Variants in ATP8B1 observed in about 807,000 individuals in gnomAD.
ATP8B1 encodes ATPase phospholipid transporting 8B1.
ATP8B1 carries 80 observed loss-of-function variants against 149.9 expected under a neutral mutation model. The observed-to-expected ratio is 0.53, with a 90% CI of 0.45 to 0.64. The LOEUF is 0.64. Ranked by LOEUF, ATP8B1 falls within the 30% of genes least tolerant of loss-of-function variation. The pLI is 0.00. For synonymous variants in ATP8B1, 536 were observed against 562.8 expected (o/e 0.95, Z 0.67); for missense variants, 1,247 against 1,552.6 (o/e 0.80, Z 3.31).
rs1165006363 is a variant in ATP8B1, at chr18:57,652,480, G to A, written c.3261+4C>T. 6.8e-6 allele frequency: 11 copies of A among 1,614,056 alleles called. No individual in the cohort carries two copies. Among genetic ancestry groups the A allele is most frequent in the Admixed American group, 1.7e-5 (1 of 59,996 alleles). On this transcript the variant is annotated splice_donor_region_variant and intron_variant, in intron 25 of 27. Transcript: ENST00000648908. ...ACTGAATACGGCCAATGAAAGCCACGTACCTGGAAATTGACTGTTATTACA... is the reference window on the plus strand; with the variant it reads ...ACTGAATACGGCCAATGAAAGCCACATACCTGGAAATTGACTGTTATTACA...
rs2080385630 is a variant in ATP8B1 at position 57,784,246 on chromosome 18, T to C, written c.-26+18752A>G. On this transcript the variant is annotated intron_variant, in intron 1 of 27. Transcript: ENST00000648908. This position sits in a 1 kb window ranked among gnomAD's most constrained non-coding sequence, Gnocchi z 4.4. ...GGGGGAAGCCGGGGTCAGGGCGGGC[T>C]GGGCATAGAGAGCTGTGGAGAGAAG... is the stretch of plus-strand genomic sequence containing the variant. Among the ~76,000 whole-genome samples, 1 of 152,122 alleles carries C rather than the reference T, an allele frequency of 6.6e-6. No homozygotes were observed. The highest frequency in any genetic ancestry group is 2.1e-4 in the South Asian group (1 of 4,826).
chr18:57,679,401 C>A (rs1396226422), intron 15 of ATP8B1, among the ~76,000 whole-genome samples: 1 of 151,764 alleles, frequency 6.6e-6, no homozygotes, highest in Non-Finnish European at 1.5e-5. Flanking sequence ...GGTGTAAAAA[C>A]AAACTAAAAA....
At chr18:57,713,686 C>T (rs1431243972) in intron 2 of ATP8B1, among the ~76,000 whole-genome samples, 1 of 116,152 alleles carries the variant, frequency 8.6e-6, no homozygotes, top group East Asian at 3.1e-4. Flanking sequence ...GATGGGGTTG[C>T]ACCATGTTGG....
chr18:57,777,528 A>G (rs1386748026), intron 1 of ATP8B1, among the ~76,000 whole-genome samples: 1 of 152,194 alleles, frequency 6.6e-6, no homozygotes, highest in Non-Finnish European at 1.5e-5. Flanking sequence ...GAGTTGGGTA[A>G]CTGGGTTAAA....
At chr18:57,652,461 T>A in intron 25 of ATP8B1, 23 bp downstream of exon 25, 1 of 1,614,078 alleles carries the variant, frequency 6.2e-7, no homozygotes, top group Non-Finnish European at 8.5e-7. Flanking sequence ...AGACACTGAA[T>A]ACGGCCAATG....
Position 57,756,210 on chromosome 18 carries a change from T to TATAC in ATP8B1, c.-25-24379_-25-24378insGTAT, listed in dbSNP as rs747325321. ...TCCACAACATATATATATATATATATACACACACACACACACACACACACA... is the reference window on the plus strand; with the variant it reads ...TCCACAACATATATATATATATATATATACACACACACACACACACACACACACA... On this transcript the variant is annotated intron_variant, in intron 1 of 27. Transcript: ENST00000648908. Among the ~76,000 whole-genome samples, 237 of 109,040 alleles carry TATAC rather than the reference T, an allele frequency of 2.2e-3. 5 individuals are homozygous for TATAC. In the East Asian group the frequency reaches 0.044, roughly 20 times the overall value. The allele number at this position is 109,040 out of a possible 152,430, so 71.5% of individuals were successfully genotyped here. A position where few individuals can be genotyped will look rare whatever the true frequency, so the allele number is the denominator to read the frequency against.
At chr18:57,743,341 C>T (rs1009784671) in intron 1 of ATP8B1, among the ~76,000 whole-genome samples, 2 of 152,100 alleles carry the variant, frequency 1.3e-5, no homozygotes, top group African/African-American at 2.4e-5. Flanking sequence ...CACCTACTTC[C>T]CTCCCTTCCC....
intron 1 of ATP8B1, among the ~76,000 whole-genome samples, chr18:57,766,517 C>T (rs1363061410): frequency 6.6e-5 from 10 of 152,202 alleles, no homozygotes; most frequent in African/African-American, 2.2e-4. Context: ...CCAAAAATCA[C>T]ACATCCTACC....
At chr18:57,748,256 C>T (rs1259921937) in intron 1 of ATP8B1, among the ~76,000 whole-genome samples, 1 of 152,166 alleles carries the variant, frequency 6.6e-6, no homozygotes, top group East Asian at 1.9e-4. Flanking sequence ...TTATTATCCC[C>T]ATTCTACAAA....
chr18:57,703,247 CTT>C (rs1447018377), intron 4 of ATP8B1, among the ~76,000 whole-genome samples: 2 of 152,034 alleles, frequency 1.3e-5, no homozygotes, highest in Admixed American at 6.6e-5. Context: ...GCAGGTATAA[CTT>C]TTCCAAATCC....
At chr18:57,713,457 C>T (rs1184712231) in intron 2 of ATP8B1, among the ~76,000 whole-genome samples, 2 of 146,188 alleles carry the variant, frequency 1.4e-5, no homozygotes, top group African/African-American at 5.2e-5. Context: ...CCACCATGCC[C>T]AGCTAATTTT....
Position 57,652,057 on chromosome 18 carries a change from A to G in ATP8B1, c.3377T>C (p.Phe1126Ser). ...DFHSAGIHVLFPSAFQFTGTA... is the reference protein window; with the variant it reads ...DFHSAGIHVLSPSAFQFTGTA... ...ACCTGTAAATTGAAATGCAGATGGA[A>G]AGAGAACATGTATTCCAGCACTATG... Residue 1126 changes from phenylalanine (F) to serine (S), a missense_variant, in exon 26 of 28, where the codon TTT becomes TCT. By Grantham distance (155) the Phe-to-Ser change is radical (BLOSUM62 -2). This residue lies in a region of ATP8B1 where 230 missense variants were observed against 356.6 expected (regional missense o/e 0.65). Coordinates refer to ENST00000648908, the MANE Select transcript of ATP8B1 (RefSeq NM_001374385.1). 2 of 1,613,842 alleles carry G rather than the reference A, an allele frequency of 1.2e-6. No homozygotes were observed. Among genetic ancestry groups the G allele is most frequent in the Non-Finnish European group, 1.7e-6 (2 of 1,179,920 alleles).
intron 20 of ATP8B1, among the ~76,000 whole-genome samples, chr18:57,663,428 A>T (rs1457386544): frequency 6.6e-6 from 1 of 152,100 alleles, no homozygotes; most frequent in African/African-American, 2.4e-5. Context: ...TCCTGCTTTC[A>T]ATTATTTTGT....
chr18:57,668,612 T>A (rs1489306105), intron 18 of ATP8B1, 72 bp from the exon 19 acceptor site: 2 of 988,676 alleles, frequency 2.0e-6, no homozygotes, highest in East Asian at 5.3e-5. Flanking sequence ...AATTACAGGT[T>A]GCCAACCTGT....
intron 22 of ATP8B1, among the ~76,000 whole-genome samples, chr18:57,658,540 C>T (rs560195711): frequency 6.6e-6 from 1 of 152,322 alleles, no homozygotes; most frequent in South Asian, 2.1e-4. Context: ...CCAGACTACA[C>T]TGCTAAACGT....
At chr18:57,712,763 A>T (rs1358440286) in intron 2 of ATP8B1, among the ~76,000 whole-genome samples, 1 of 151,722 alleles carries the variant, frequency 6.6e-6, no homozygotes, top group African/African-American at 2.4e-5. Flanking sequence ...GATGAGAGGG[A>T]GGAGTAAAGA....
Position 57,650,629 on chromosome 18 carries a change from G to A in ATP8B1, c.3401-132C>T, listed in dbSNP as rs900005599. The stretch of plus-strand genomic sequence containing the variant: ...AGGCCAAGGTGGGTGGATTGCCAGA[G>A]CTCAGGAGTTCGAGACCAGCCTGGG... On this transcript the variant is annotated intron_variant, in intron 26 of 27. Transcript: ENST00000648908. The A allele has an allele frequency of 9.8e-6, 11 of 1,118,168 alleles. No homozygotes were observed. In the African/African-American group the frequency reaches 1.7e-4, roughly 18 times the overall value. The allele number at this position is 1,118,168 out of a possible 1,614,324, so 69.3% of individuals were successfully genotyped here. A position where few individuals can be genotyped will look rare whatever the true frequency, so the allele number is the denominator to read the frequency against.
At chr18:57,713,157 C>CTCTTTCTTTCTTT (rs1913768368) in intron 2 of ATP8B1, among the ~76,000 whole-genome samples, 1 of 92,044 alleles carries the variant, frequency 1.1e-5, no homozygotes, top group Non-Finnish European at 2.1e-5. Flanking sequence ...CTTGATCTTT[C>CTCTTTCTTTCTTT]TCTTTCTTTC....
intron 6 of ATP8B1, among the ~76,000 whole-genome samples, chr18:57,699,729 A>T (rs1231870581): frequency 1.2e-4 from 4 of 33,642 alleles, no homozygotes; most frequent in Admixed American, 4.9e-4. Context: ...TCAAAAAAAT[A>T]AAAAAAAAGA....
Sources: gnomAD v4.1 joint callset for allele counts (sites outside exome capture counted in the v4.1 genomes callset) on GRCh38, gnomAD v4.1.1 for gene constraint, gnomAD v4.1.1 regional missense constraint, Gnocchi (gnomAD v3.1) non-coding constraint, MANE v1.5 for transcripts, NCBI Gene and HGNC (gene_info 2026-07-23, HGNC 2026-07-21) for gene names.